The following XPO1 variants were observed in gnomAD, a reference collection of about 807,000 sequenced individuals.
XPO1 encodes the protein exportin-1.
A neutral mutation model predicts 133.3 loss-of-function variants in XPO1; 5 were observed. The observed-to-expected ratio is 0.04, with a 90% CI of 0.02 to 0.08. The LOEUF is 0.08. Ranked by LOEUF, XPO1 falls within the 10% of genes least tolerant of loss-of-function variation. The pLI, the probability that XPO1 is intolerant of heterozygous loss-of-function variation, is 1.00. For synonymous variants in XPO1, 419 were observed against 408.2 expected, an observed-to-expected ratio of 1.03 and a Z score of -0.32; for missense variants, 506 against 1,267.5, an observed-to-expected ratio of 0.40 and a Z score of 9.12.
At position 61,498,720 on chromosome 2, in the gene XPO1, G is replaced by A. The variant is rs1190618843; in HGVS notation, c.712C>T (p.Leu238=). 1.9e-6 allele frequency: 3 copies of A among 1,613,970 alleles called. No homozygotes were observed. Among genetic ancestry groups the A allele is most frequent in the Non-Finnish European group, 2.5e-6 (3 of 1,179,956 alleles). The part of the protein sequence containing the change: ...TLLRFLNWIP[L]GYIFETKLIS... Reference sequence around the variant, plus strand: ...AATTTGGTCTCAAAAATATATCCCAGGGGAATCCAGTTCAGAAATCTGAGC... The same window carrying A: ...AATTTGGTCTCAAAAATATATCCCAAGGGAATCCAGTTCAGAAATCTGAGC... Residue 238 remains leucine (L), a synonymous_variant, in exon 9 of 25, where the codon CTG becomes TTG. Coordinates refer to ENST00000401558, the MANE Select transcript of XPO1 (RefSeq NM_003400.4).
At chr2:61,515,849 CGAG>C (rs1255529469) in intron 4 of XPO1, among the ~76,000 whole-genome samples, 1 of 148,798 alleles carries the variant, frequency 6.7e-6, no homozygotes, top group Admixed American at 6.8e-5. Context: ...TTTGGGAGGC[CGAG>C]GAGGGTGGAT....
chr2:61,499,938 G>A (rs774116803), intron 6 of XPO1, 44 bp from the exon 7 acceptor site: 45 of 1,567,026 alleles, frequency 2.9e-5, no homozygotes, highest in Non-Finnish European at 3.5e-5. Context: ...ATTTCTCAAA[G>A]GCAAATAAAA....
intron 4 of XPO1, among the ~76,000 whole-genome samples, chr2:61,520,855 A>C (rs530773189): frequency 6.6e-6 from 1 of 152,192 alleles, no homozygotes; most frequent in Admixed American, 6.5e-5. Context: ...GACAGAAGTA[A>C]ATCACCTTTT....
intron 23 of XPO1, 89 bp from the exon 24 acceptor site, chr2:61,481,370 A>G (rs1696344243): frequency 1.1e-6 from 1 of 881,428 alleles, no homozygotes; most frequent in Admixed American, 2.8e-5. Context: ...GTACAGTGGC[A>G]TGATCTCTGC....
At chr2:61,526,334 T>C in intron 3 of XPO1, 86 bp downstream of exon 3, 1 of 1,498,958 alleles carries the variant, frequency 6.7e-7, no homozygotes, top group Non-Finnish European at 8.8e-7. Context: ...AGATAACAAA[T>C]GCTAATACTA....
At chr2:61,504,466 T>C (rs1697698371) in intron 4 of XPO1, among the ~76,000 whole-genome samples, 1 of 152,202 alleles carries the variant, frequency 6.6e-6, no homozygotes, top group Non-Finnish European at 1.5e-5. Flanking sequence ...TACGTAAAAT[T>C]AACAATTACA....
intron 19 of XPO1, among the ~76,000 whole-genome samples, chr2:61,487,836 T>A (rs1696772594): frequency 6.6e-6 from 1 of 152,256 alleles, no homozygotes; most frequent in East Asian, 1.9e-4. Context: ...CTAGCAATTG[T>A]TCTAAAAATC....
intron 4 of XPO1, among the ~76,000 whole-genome samples, chr2:61,507,277 C>G (rs934139450): frequency 7.9e-6 from 1 of 126,934 alleles, no homozygotes; most frequent in African/African-American, 2.9e-5. Context: ...GAAAACGATA[C>G]AAAAATCAAA....
chr2:61,503,715 C>T (rs569054104), intron 4 of XPO1, among the ~76,000 whole-genome samples: 2 of 152,322 alleles, frequency 1.3e-5, no homozygotes, highest in East Asian at 1.9e-4. Flanking sequence ...TGAGCCACTG[C>T]GCCCAGCACA....
chr2:61,486,893 G>A (rs1471738087), intron 19 of XPO1, among the ~76,000 whole-genome samples: 1 of 152,014 alleles, frequency 6.6e-6, no homozygotes, highest in Non-Finnish European at 1.5e-5. Context: ...TACCCTCCCT[G>A]GTGGTTGGGA....
At chr2:61,531,629 A>C (rs1699158339) in intron 2 of XPO1, among the ~76,000 whole-genome samples, 1 of 152,218 alleles carries the variant, frequency 6.6e-6, no homozygotes, top group Non-Finnish European at 1.5e-5. Flanking sequence ...GGAAAAAATT[A>C]AATGCCCTTT....
intron 1 of XPO1, among the ~76,000 whole-genome samples, chr2:61,535,956 G>GT (rs1699340106): frequency 6.6e-6 from 1 of 152,132 alleles, no homozygotes; most frequent in Non-Finnish European, 1.5e-5. Flanking sequence ...CAAGATCCAT[G>GT]TATCAAAAGT....
chr2:61,508,049 T>C (rs567369152), intron 4 of XPO1, among the ~76,000 whole-genome samples: 50 of 152,046 alleles, frequency 3.3e-4, no homozygotes, highest in Middle Eastern at 3.4e-3. Flanking sequence ...TCAATATAAA[T>C]GAAAAAAATT....
chr2:61,494,774 A>C (rs368835709), intron 11 of XPO1: 1 of 148,162 alleles, frequency 6.7e-6, no homozygotes, highest in African/African-American at 2.5e-5. Context: ...GTGTGTGTGT[A>C]TATATATATA....
At chr2:61,512,421 G>A (rs1698140803) in intron 4 of XPO1, among the ~76,000 whole-genome samples, 1 of 152,100 alleles carries the variant, frequency 6.6e-6, no homozygotes, top group Non-Finnish European at 1.5e-5. Flanking sequence ...ACACATACAG[G>A]GAAAAGCAGC....
In XPO1 at chr2:61,483,870, G is replaced by A. The variant is rs1385487687; in HGVS notation, c.2677+67C>T. Reference sequence around the variant, plus strand: ...CTCTGAACAAGTAATACCTTCCTATGTACAATTAACTATATTTGTATTTTT... The same window carrying A: ...CTCTGAACAAGTAATACCTTCCTATATACAATTAACTATATTTGTATTTTT... On this transcript the variant is annotated intron_variant, in intron 21 of 24. Coordinates refer to ENST00000401558, the MANE Select transcript of XPO1 (RefSeq NM_003400.4). 25 of 1,515,278 alleles carry A rather than the reference G, an allele frequency of 1.6e-5. No individual in the cohort carries two copies. In the South Asian group the frequency reaches 2.4e-4, roughly 15 times the overall value. The allele number at this position is 1,515,278 out of a possible 1,614,324, so 93.9% of individuals were successfully genotyped here. A position where few individuals can be genotyped will look rare whatever the true frequency, so the allele number is the denominator to read the frequency against.
chr2:61,492,137 G>A lies in XPO1; in HGVS notation c.1785C>T (p.Cys595=). ...CCTGAACCTGAACGAAATGCCTGCG[G>A]CATTTTTGGGCTATTTTAATGAAAG... ...CDTFIKIAQK[C]RRHFVQVQVG... Residue 595 remains cysteine (C), a synonymous_variant, in exon 16 of 25, where the codon TGC becomes TGT. Coordinates refer to ENST00000401558, the MANE Select transcript of XPO1 (RefSeq NM_003400.4). The surrounding 1 kb of genome is among the most constrained non-coding windows in gnomAD (Gnocchi z 5.6). 1 of 1,614,136 alleles carries A rather than the reference G, an allele frequency of 6.2e-7. No individual in the cohort carries two copies. Among genetic ancestry groups the A allele is most frequent in the Non-Finnish European group, 8.5e-7 (1 of 1,180,040 alleles).
chr2:61,500,123 ATGAAAGG>A (rs999129260), intron 6 of XPO1, among the ~76,000 whole-genome samples: 12 of 152,164 alleles, frequency 7.9e-5, no homozygotes, highest in Non-Finnish European at 1.8e-4. Context: ...AATTATCCTA[ATGAAAGG>A]TCCAATCCGT....
Position 61,492,830 on chromosome 2 carries a change from G to C in XPO1, c.1385-82C>G, listed in dbSNP as rs770461988. 1 of 1,557,224 alleles carries C rather than the reference G, an allele frequency of 6.4e-7. No individual in the cohort carries two copies. Among genetic ancestry groups the C allele is most frequent in the Admixed American group, 1.9e-5 (1 of 51,616 alleles). ...TAACAATACATTTAGAAAATATTTA[G>C]AAACTACAAGTACATTTCCTAAAAT... On this transcript the variant is annotated intron_variant, in intron 13 of 24. Coordinates refer to ENST00000401558, the MANE Select transcript of XPO1 (RefSeq NM_003400.4). The surrounding 1 kb of genome is among the most constrained non-coding windows in gnomAD (Gnocchi z 5.6).
Sources: allele counts gnomAD v4.1 joint callset (sites outside exome capture counted in the v4.1 genomes callset), GRCh38; gene constraint gnomAD v4.1.1; non-coding constraint Gnocchi (gnomAD v3.1); transcripts MANE v1.5; gene names NCBI Gene and HGNC (gene_info 2026-07-23, HGNC 2026-07-21).